The following SH3GL2 variants were observed in gnomAD, a reference collection of about 807,000 sequenced individuals.
The protein encoded by SH3GL2 is endophilin-A1.
A neutral mutation model predicts 46.0 loss-of-function variants in SH3GL2; 24 were observed. The observed-to-expected ratio is 0.52, with a 90% CI of 0.38 to 0.73. The LOEUF is 0.73. Ranked by LOEUF, SH3GL2 falls within the 30% of genes least tolerant of loss-of-function variation. SH3GL2 has a pLI of 0.00. For missense variants in SH3GL2, 413 were observed against 424.2 expected (o/e 0.97, Z 0.23); for synonymous variants, 196 against 147.1 (o/e 1.33, Z -2.40).
Position 17,661,514 on chromosome 9 carries a change from A to G in SH3GL2, c.45+82227A>G, listed in dbSNP as rs187620147. The stretch of plus-strand genomic sequence containing the variant: ...GCTAGGGTTTTAGATGAAATGTTCA[A>G]TCTCAAGTGATATATATACATGGCC... On this transcript the variant is annotated intron_variant, in intron 1 of 8. Transcript: ENST00000380607. Among the ~76,000 whole-genome samples, 47 of 152,378 alleles carry G rather than the reference A, an allele frequency of 3.1e-4. No homozygotes were observed. In the East Asian group the frequency reaches 8.3e-3, roughly 27 times the overall value.
At position 17,586,006 on chromosome 9, in the gene SH3GL2, C is replaced by G. The variant is rs562969563; in HGVS notation, c.45+6719C>G. On this transcript the variant is annotated intron_variant, in intron 1 of 8. Coordinates refer to ENST00000380607, the MANE Select transcript of SH3GL2 (RefSeq NM_003026.5). ...CATGGTATCCGATGGATAATAAAGA[C>G]TAAAGAGAGCTATAACTATACTTAT... Among the ~76,000 whole-genome samples the G allele has an allele frequency of 2.0e-5, 3 of 152,260 alleles. No individual in the cohort carries two copies. In the South Asian group the frequency reaches 6.2e-4, roughly 32 times the overall value.
At chr9:17,770,299 G>T (rs1235053671) in intron 3 of SH3GL2, among the ~76,000 whole-genome samples, 1 of 152,162 alleles carries the variant, frequency 6.6e-6, no homozygotes, top group African/African-American at 2.4e-5. Flanking sequence ...AAGCTGCAAG[G>T]TGATTAGCAA....
At position 17,613,474 on chromosome 9, in the gene SH3GL2, C is replaced by T. The variant is rs149052582; in HGVS notation, c.45+34187C>T. On this transcript the variant is annotated intron_variant, in intron 1 of 8. Transcript: ENST00000380607. ...TGGCAAGAAATCACATATTGTCCCT[C>T]CCCCAAGCAGTCTGTTCCCTGCAAT... Among the ~76,000 whole-genome samples the T allele has an allele frequency of 4.5e-3, 681 of 152,278 alleles. 9 individuals are homozygous for T. Among genetic ancestry groups the T allele is most frequent in the African/African-American group, 0.015 (642 of 41,552 alleles).
At chr9:17,584,734 T>C (rs77527905) in intron 1 of SH3GL2, among the ~76,000 whole-genome samples, 2,179 of 152,234 alleles carry the variant, frequency 0.014, 63 homozygotes, top group African/African-American at 0.05. Context: ...ACTTGAACCA[T>C]GTAAAACAAA....
chr9:17,595,118 C>T (rs115300960), intron 1 of SH3GL2, among the ~76,000 whole-genome samples: 5 of 152,218 alleles, frequency 3.3e-5, no homozygotes, highest in East Asian at 1.9e-4. Flanking sequence ...AGCTGAAACA[C>T]AGAGGTGGTT....
At chr9:17,678,900 A>C (rs1160150527) in intron 1 of SH3GL2, among the ~76,000 whole-genome samples, 1 of 152,028 alleles carries the variant, frequency 6.6e-6, no homozygotes, top group Admixed American at 6.6e-5. Flanking sequence ...TCCTTTCCCC[A>C]TTTCTTGTTT....
At position 17,635,456 on chromosome 9, in the gene SH3GL2, G is replaced by A. The variant is rs181199609; in HGVS notation, c.45+56169G>A. 5.3e-5 allele frequency among the ~76,000 whole-genome samples: 8 copies of A among 152,296 alleles called. No homozygotes were observed. In the East Asian group the frequency reaches 1.5e-3, roughly 29 times the overall value. ...AAGAATATTTGAGCATTTCTAACTGGAAGGAAGTGAAAAAGAAAGGTGTGG... is the reference window on the plus strand; with the variant it reads ...AAGAATATTTGAGCATTTCTAACTGAAAGGAAGTGAAAAAGAAAGGTGTGG... On this transcript the variant is annotated intron_variant, in intron 1 of 8. Coordinates refer to ENST00000380607, the MANE Select transcript of SH3GL2 (RefSeq NM_003026.5).
intron 1 of SH3GL2, among the ~76,000 whole-genome samples, chr9:17,730,396 G>A (rs943993937): frequency 1.3e-5 from 2 of 152,070 alleles, no homozygotes; most frequent in African/African-American, 4.8e-5. Context: ...CAGTCATGTC[G>A]TTTGCAGGCA....
chr9:17,776,895 T>C (rs1030584991), intron 3 of SH3GL2, among the ~76,000 whole-genome samples: 3 of 152,112 alleles, frequency 2.0e-5, no homozygotes, highest in African/African-American at 7.2e-5. Flanking sequence ...GAACTGTGAC[T>C]TGGAAAAAGA....
chr9:17,695,625 A>C (rs1459298448), intron 1 of SH3GL2, among the ~76,000 whole-genome samples: 1 of 152,016 alleles, frequency 6.6e-6, no homozygotes, highest in Non-Finnish European at 1.5e-5. Context: ...CTCTGTAAAA[A>C]GCCCTTTCTG....
At chr9:17,723,548 A>G (rs1358241379) in intron 1 of SH3GL2, among the ~76,000 whole-genome samples, 1 of 152,132 alleles carries the variant, frequency 6.6e-6, no homozygotes, top group Non-Finnish European at 1.5e-5. Context: ...AACTTCTCCT[A>G]AACTTTCAAA....
intron 1 of SH3GL2, among the ~76,000 whole-genome samples, chr9:17,702,938 T>G (rs1021673113): frequency 6.6e-6 from 1 of 152,106 alleles, no homozygotes; most frequent in African/African-American, 2.4e-5. Flanking sequence ...GCCACTTGAT[T>G]ATGCTTTTGT....
chr9:17,579,565 C>T lies in SH3GL2; in HGVS notation c.45+278C>T, dbSNP rs560008650. 1.4e-3 allele frequency among the ~76,000 whole-genome samples: 208 copies of T among 152,272 alleles called. 2 individuals are homozygous for T. The highest frequency in any genetic ancestry group is 2.5e-3 in the Non-Finnish European group (172 of 68,002). On this transcript the variant is annotated intron_variant, in intron 1 of 8. Coordinates refer to ENST00000380607, the MANE Select transcript of SH3GL2 (RefSeq NM_003026.5). Reference sequence around the variant, plus strand: ...CTCGCCGCCCCCGCATCATCTCGCGCCCGTGCTGCAGGAAGGGGACCGCGG... The same window carrying T: ...CTCGCCGCCCCCGCATCATCTCGCGTCCGTGCTGCAGGAAGGGGACCGCGG...
At chr9:17,682,663 C>T (rs1361144451) in intron 1 of SH3GL2, among the ~76,000 whole-genome samples, 1 of 149,706 alleles carries the variant, frequency 6.7e-6, no homozygotes, top group African/African-American at 2.5e-5. Context: ...GCGTATGTAT[C>T]CTGGAAGTTA....
chr9:17,579,214 C>A lies in SH3GL2; in HGVS notation c.-29C>A. 1 of 1,527,392 alleles carries A rather than the reference C, an allele frequency of 6.5e-7. No individual in the cohort carries two copies. The allele number at this position is 1,527,392 out of a possible 1,614,324, so 94.6% of individuals were successfully genotyped here. A position where few individuals can be genotyped will look rare whatever the true frequency, so the allele number is the denominator to read the frequency against. ...CCCCCTCCGCCTCCTCCCTCCCGCACAGCAGCCGCCAGCGCGGCCTCCTGC... is the reference window on the plus strand; with the variant it reads ...CCCCCTCCGCCTCCTCCCTCCCGCAAAGCAGCCGCCAGCGCGGCCTCCTGC... On this transcript the variant is annotated 5_prime_UTR_variant, in exon 1 of 9. Transcript: ENST00000380607.
At chr9:17,605,410 C>G (rs1241439910) in intron 1 of SH3GL2, among the ~76,000 whole-genome samples, 1 of 152,054 alleles carries the variant, frequency 6.6e-6, no homozygotes, top group African/African-American at 2.4e-5. Flanking sequence ...TTGAGATGAC[C>G]AGGGAGGTCA....
At chr9:17,620,521 C>G (rs1176193704) in intron 1 of SH3GL2, among the ~76,000 whole-genome samples, 4 of 152,096 alleles carry the variant, frequency 2.6e-5, no homozygotes, top group Admixed American at 2.0e-4. Flanking sequence ...CGCAGACATG[C>G]AACTACTAAC....
At chr9:17,654,098 G>A (rs1007848246) in intron 1 of SH3GL2, among the ~76,000 whole-genome samples, 13 of 152,146 alleles carry the variant, frequency 8.5e-5, no homozygotes, top group Non-Finnish European at 1.8e-4. Context: ...CACGGAGAGA[G>A]CTGCAGACTG....
At chr9:17,762,929 T>A (rs1823220384) in intron 3 of SH3GL2, among the ~76,000 whole-genome samples, 1 of 152,168 alleles carries the variant, frequency 6.6e-6, no homozygotes, top group African/African-American at 2.4e-5. Context: ...GCAAGAAGTT[T>A]TGGTCTTTAT....
Sources: gnomAD v4.1 joint callset for allele counts (sites outside exome capture counted in the v4.1 genomes callset) on GRCh38, gnomAD v4.1.1 for gene constraint, MANE v1.5 for transcripts, NCBI Gene and HGNC (gene_info 2026-07-23, HGNC 2026-07-21) for gene names.